The following DOCK5 variants were observed in gnomAD, a reference collection of about 807,000 sequenced individuals.
The protein encoded by DOCK5 is dedicator of cytokinesis 5, also known as dedicator of cytokinesis protein 5.
A neutral mutation model predicts 251.8 loss-of-function variants in DOCK5; 142 were observed. The observed-to-expected ratio is 0.56, with a 90% CI of 0.49 to 0.65. DOCK5 has a LOEUF of 0.65. DOCK5 is among the 30% of genes least tolerant of loss of function. The pLI is 0.00. For missense variants in DOCK5, 2,111 were observed against 2,312.3 expected (o/e 0.91, Z 1.79); for synonymous variants, 842 against 835.5 (o/e 1.01, Z -0.13).
At chr8:25,372,424 C>G in intron 34 of DOCK5, 135 bp from the exon 35 acceptor site, 1 of 832,194 alleles carries the variant, frequency 1.2e-6, no homozygotes, top group Non-Finnish European at 1.8e-6. Flanking sequence ...AACTGTGTCA[C>G]TTAATATCTA....
At chr8:25,267,229 T>A (rs1803780293) in intron 2 of DOCK5, among the ~76,000 whole-genome samples, 1 of 152,154 alleles carries the variant, frequency 6.6e-6, no homozygotes, top group Admixed American at 6.5e-5. Context: ...GCATCCTAAA[T>A]CGGGGGAAGT....
chr8:25,339,452 G>A (rs1805896158), intron 22 of DOCK5, among the ~76,000 whole-genome samples: 1 of 152,224 alleles, frequency 6.6e-6, no homozygotes, highest in South Asian at 2.1e-4. Flanking sequence ...GTTCCATGGA[G>A]TTCAGGGAGG....
chr8:25,319,552 T>C (rs1805364036), intron 14 of DOCK5, 26 bp from the exon 15 acceptor site: 6 of 1,522,584 alleles, frequency 3.9e-6, no homozygotes, highest in Non-Finnish European at 5.4e-6. Context: ...AATTATTCCC[T>C]TCTAATTTTT....
chr8:25,252,353 G>T lies in DOCK5; in HGVS notation c.127+8596G>T, dbSNP rs181202434. On this transcript the variant is annotated intron_variant, in intron 2 of 51. Coordinates refer to ENST00000276440, the MANE Select transcript of DOCK5 (RefSeq NM_024940.8). ...ATAAGCTTCAATAGGGGTGTCCAAG[G>T]TATTTGTAACTTCCGTTTACTTTTG... Among the ~76,000 whole-genome samples the T allele has an allele frequency of 3.9e-5, 6 of 152,276 alleles. No individual in the cohort carries two copies. The East Asian group carries it at 1.2e-3, about 29-fold the overall frequency.
chr8:25,327,876 A>G (rs1191469138), intron 18 of DOCK5, among the ~76,000 whole-genome samples: 2 of 152,092 alleles, frequency 1.3e-5, no homozygotes, highest in East Asian at 3.8e-4. Flanking sequence ...AAGAGAGTAG[A>G]TTTTAAGTGT....
intron 1 of DOCK5, among the ~76,000 whole-genome samples, chr8:25,223,094 C>CG (rs1244342131): frequency 6.6e-6 from 1 of 152,090 alleles, no homozygotes; most frequent in Non-Finnish European, 1.5e-5. Context: ...GTCTCAGTCC[C>CG]ATAAATAAAG....
In DOCK5 at chr8:25,184,828, A is replaced by C. The variant is rs1586208986; in HGVS notation, c.-81A>C. ...CATGGCGGAAGCGTCTGGGGCACGC[A>C]GGAGCGCGGGGCGGCGGCGGCCGGA... On this transcript the variant is annotated 5_prime_UTR_variant, in exon 1 of 52. Transcript: ENST00000276440. 5 of 1,219,136 alleles carry C rather than the reference A, an allele frequency of 4.1e-6. 1 individual carries two copies. The highest frequency in any genetic ancestry group is 6.2e-5 in the South Asian group (2 of 32,444). 75.5% of individuals were successfully genotyped at this position (1,219,136 alleles called of 1,614,324 possible). A position where few individuals can be genotyped will look rare whatever the true frequency, so the allele number is the denominator to read the frequency against.
At chr8:25,344,223 G>A (rs1192517421) in intron 25 of DOCK5, among the ~76,000 whole-genome samples, 1 of 152,214 alleles carries the variant, frequency 6.6e-6, no homozygotes, top group African/African-American at 2.4e-5. Flanking sequence ...TTTTCATTTT[G>A]TAAGTAGAGT....
intron 1 of DOCK5, among the ~76,000 whole-genome samples, chr8:25,197,157 T>G (rs1163451018): frequency 6.6e-6 from 1 of 152,168 alleles, no homozygotes; most frequent in Non-Finnish European, 1.5e-5. Context: ...TGGGAGTCCT[T>G]TGACTGATTT....
At chr8:25,215,300 C>T (rs953965922) in intron 1 of DOCK5, among the ~76,000 whole-genome samples, 1 of 151,956 alleles carries the variant, frequency 6.6e-6, no homozygotes, top group Admixed American at 6.6e-5. Context: ...GAACAGAGGG[C>T]CTTTGGACAA....
At chr8:25,270,621 G>C (rs892141771) in intron 3 of DOCK5, among the ~76,000 whole-genome samples, 1 of 152,080 alleles carries the variant, frequency 6.6e-6, no homozygotes, top group Non-Finnish European at 1.5e-5. Context: ...AGGAACAAAC[G>C]AAACTCTTGG....
intron 1 of DOCK5, among the ~76,000 whole-genome samples, chr8:25,235,925 G>T (rs948572572): frequency 1.3e-5 from 2 of 151,236 alleles, no homozygotes; most frequent in African/African-American, 2.4e-5. Context: ...AGCCTCCCGA[G>T]TAGCTAGGAT....
intron 1 of DOCK5, among the ~76,000 whole-genome samples, chr8:25,240,944 C>T (rs1162644310): frequency 6.6e-6 from 1 of 152,160 alleles, no homozygotes; most frequent in Admixed American, 6.6e-5. Flanking sequence ...TACTGGCCTT[C>T]TCTGACTTGC....
intron 26 of DOCK5, among the ~76,000 whole-genome samples, chr8:25,348,388 G>C (rs1448806131): frequency 6.6e-6 from 1 of 152,112 alleles, no homozygotes; most frequent in Admixed American, 6.5e-5. Context: ...TTATCACTTT[G>C]TACATTGAGT....
intron 27 of DOCK5, among the ~76,000 whole-genome samples, chr8:25,356,907 TTATATATATATATATA>T (rs34216387): frequency 0.037 from 4,916 of 131,302 alleles, 205 homozygotes; most frequent in African/African-American, 0.08. Flanking sequence ...TATATGAAGA[TTATATATATATATATA>T]TATATATATA....
intron 18 of DOCK5, among the ~76,000 whole-genome samples, chr8:25,330,349 A>G (rs1360449973): frequency 2.0e-5 from 3 of 152,240 alleles, no homozygotes; most frequent in Non-Finnish European, 4.4e-5. Flanking sequence ...GCAAGATAAA[A>G]GAATGAATAC....
chr8:25,224,769 T>C (rs1802486470), intron 1 of DOCK5, among the ~76,000 whole-genome samples: 1 of 152,122 alleles, frequency 6.6e-6, no homozygotes, highest in Non-Finnish European at 1.5e-5. Flanking sequence ...ACAAATCAAA[T>C]AATACAGAAA....
intron 1 of DOCK5, among the ~76,000 whole-genome samples, chr8:25,195,685 C>T (rs1373371905): frequency 6.6e-6 from 1 of 152,236 alleles, no homozygotes; most frequent in Non-Finnish European, 1.5e-5. Flanking sequence ...CAAATAATCC[C>T]TGCTTAGAGA....
At position 25,275,374 on chromosome 8, in the gene DOCK5, T is replaced by C. The variant is rs1008609260; in HGVS notation, c.169-12T>C. On this transcript the variant is annotated splice_polypyrimidine_tract_variant and intron_variant, in intron 3 of 51. Transcript: ENST00000276440. ...TTTTATGGCCATATAACCAAAATTC[T>C]TTTCTCTGTAGGGCATTTTCCCTGA... The C allele has an allele frequency of 1.3e-6, 2 of 1,594,804 alleles. No individual in the cohort carries two copies. Among genetic ancestry groups the C allele is most frequent in the Non-Finnish European group, 1.7e-6 (2 of 1,174,936 alleles).
Sources: allele counts gnomAD v4.1 joint callset (sites outside exome capture counted in the v4.1 genomes callset), GRCh38; gene constraint gnomAD v4.1.1; transcripts MANE v1.5; gene names NCBI Gene and HGNC (gene_info 2026-07-23, HGNC 2026-07-21).